BCL2L1: variants seen among roughly 807,000 people sequenced by gnomAD.
BCL2L1 encodes BCL2 like 1.
A neutral mutation model predicts 18.7 loss-of-function variants in BCL2L1; 1 was observed. The observed-to-expected ratio is 0.05, with a 90% CI of 0.02 to 0.25. BCL2L1 has a LOEUF of 0.25. Among genes scored for constraint, BCL2L1 ranks in the 10% least tolerant of loss-of-function variants. BCL2L1 has a pLI of 1.00. For synonymous variants in BCL2L1, 103 were observed against 122.7 expected (o/e 0.84, Z 1.06); for missense variants, 207 against 304.9 (o/e 0.68, Z 2.39).
At chr20:31,670,632 C>T (rs916208082) in intron 2 of BCL2L1, among the ~76,000 whole-genome samples, 1 of 152,208 alleles carries the variant, frequency 6.6e-6, no homozygotes, top group African/African-American at 2.4e-5. Context: ...CCAGCTTCCA[C>T]TCATGTGTTC....
At chr20:31,707,319 G>A (rs145517950) in intron 2 of BCL2L1, among the ~76,000 whole-genome samples, 2 of 152,300 alleles carry the variant, frequency 1.3e-5, no homozygotes, top group East Asian at 1.9e-4. Flanking sequence ...CTCCTGGAGA[G>A]TAGATCCAAT....
At chr20:31,676,854 G>C (rs985469101) in intron 2 of BCL2L1, among the ~76,000 whole-genome samples, 7 of 152,178 alleles carry the variant, frequency 4.6e-5, no homozygotes, top group Non-Finnish European at 1.0e-4. Flanking sequence ...CCTCCTTCCT[G>C]GGTGGGACAT....
chr20:31,704,104 CTTTTT>C (rs59803981), intron 2 of BCL2L1, among the ~76,000 whole-genome samples: 1 of 114,188 alleles, frequency 8.8e-6, no homozygotes, highest in South Asian at 2.8e-4. Flanking sequence ...GGCCCTAAAC[CTTTTT>C]TTTTTTTTTT....
chr20:31,691,637 C>T (rs1192920289), intron 2 of BCL2L1, among the ~76,000 whole-genome samples: 2 of 152,022 alleles, frequency 1.3e-5, no homozygotes, highest in African/African-American at 4.8e-5. Flanking sequence ...GGCAGAAGAA[C>T]TGAAAGACTA....
upstream of BCL2L1, chr20:31,723,493 C>T (rs2061669338): frequency 3.0e-6 from 3 of 985,400 alleles, no homozygotes; most frequent in Non-Finnish European, 3.6e-6. Context: ...CAGGGTGGGC[C>T]GGCTGCGGCC....
intron 2 of BCL2L1, among the ~76,000 whole-genome samples, chr20:31,668,583 C>A (rs1242908661): frequency 6.6e-6 from 1 of 150,806 alleles, no homozygotes; most frequent in Non-Finnish European, 1.5e-5. Flanking sequence ...GGATTACAGG[C>A]ACGAGCCACC....
At chr20:31,680,378 T>C (rs948943977) in intron 2 of BCL2L1, among the ~76,000 whole-genome samples, 4 of 152,174 alleles carry the variant, frequency 2.6e-5, no homozygotes, top group Admixed American at 2.6e-4. Flanking sequence ...GAAGTAGCAT[T>C]CCCCCCTGGT....
intron 2 of BCL2L1, among the ~76,000 whole-genome samples, chr20:31,695,235 A>G (rs1320223455): frequency 6.6e-6 from 1 of 152,144 alleles, no homozygotes. Flanking sequence ...GCTCTTACCC[A>G]TAGAGTTTGT....
At chr20:31,671,454 C>T (rs1461899051) in intron 2 of BCL2L1, among the ~76,000 whole-genome samples, 1 of 152,118 alleles carries the variant, frequency 6.6e-6, no homozygotes, top group East Asian at 1.9e-4. Flanking sequence ...TTTAACTGGT[C>T]ACTCCATATC....
Position 31,664,816 on chromosome 20 carries a change from G to A in BCL2L1, c.*1133C>T, listed in dbSNP as rs2060561873. On this transcript the variant is annotated 3_prime_UTR_variant, in exon 3 of 3. Coordinates refer to ENST00000307677, the MANE Select transcript of BCL2L1 (RefSeq NM_138578.3). ...CCCCTGGGGATGAGACAGGCCAAGG[G>A]TGGAGCAGAAGAGAGAGGGAGGCCT... The A allele has an allele frequency of 9.0e-6, 2 of 223,302 alleles. No homozygotes were observed. Among genetic ancestry groups the A allele is most frequent in the African/African-American group, 2.2e-5 (1 of 44,708 alleles). The allele number at this position is 223,302 out of a possible 1,614,324, so 13.8% of individuals were successfully genotyped here. A position where few individuals can be genotyped will look rare whatever the true frequency, so the allele number is the denominator to read the frequency against.
intron 2 of BCL2L1, among the ~76,000 whole-genome samples, chr20:31,714,143 T>G (rs1213840424): frequency 6.6e-6 from 1 of 152,234 alleles, no homozygotes; most frequent in Non-Finnish European, 1.5e-5. Context: ...AGAGCCATTT[T>G]AAAATATAAC....
intron 2 of BCL2L1, chr20:31,686,384 G>C (rs1035735862): frequency 2.0e-5 from 3 of 152,276 alleles, no homozygotes; most frequent in South Asian, 4.1e-4. Context: ...GTTCACCCAA[G>C]GTAAGAGGAA....
intron 2 of BCL2L1, among the ~76,000 whole-genome samples, chr20:31,675,181 T>C (rs755410249): frequency 1.6e-4 from 25 of 152,132 alleles, no homozygotes; most frequent in Non-Finnish European, 3.4e-4. Context: ...CCCAGGCCCA[T>C]TGCTTCCTTC....
intron 2 of BCL2L1, among the ~76,000 whole-genome samples, chr20:31,702,692 T>C (rs2061298513): frequency 6.6e-6 from 1 of 151,362 alleles, no homozygotes; most frequent in African/African-American, 2.4e-5. Context: ...TTTGTATTTT[T>C]AGTAGAGACG....
At chr20:31,699,618 C>T (rs919790230) in intron 2 of BCL2L1, among the ~76,000 whole-genome samples, 3 of 152,326 alleles carry the variant, frequency 2.0e-5, no homozygotes, top group Non-Finnish European at 2.9e-5. Context: ...CCTGAACCAA[C>T]AATCCTTCAT....
At chr20:31,669,770 C>G (rs1189027004) in intron 2 of BCL2L1, among the ~76,000 whole-genome samples, 1 of 152,022 alleles carries the variant, frequency 6.6e-6, no homozygotes, top group African/African-American at 2.4e-5. Flanking sequence ...GGGCAGAGGT[C>G]CTGTCTCGTT....
rs963075237 is a variant in BCL2L1, at chr20:31,665,755, G to A, written c.*194C>T. ...GAATTCTGAGGCCAAGGGAACTGAG[G>A]TGTGGGGGTCTCACAGAAGTGTGAT... is the stretch of plus-strand genomic sequence containing the variant. On this transcript the variant is annotated 3_prime_UTR_variant, in exon 3 of 3. Transcript: ENST00000307677. 5.7e-6 allele frequency: 4 copies of A among 702,942 alleles called. No individual in the cohort carries two copies. Among genetic ancestry groups the A allele is most frequent in the African/African-American group, 5.4e-5 (3 of 55,544 alleles). The allele number at this position is 702,942 out of a possible 1,614,324, so 43.5% of individuals were successfully genotyped here.
chr20:31,715,081 T>C (rs961142899), intron 2 of BCL2L1, among the ~76,000 whole-genome samples: 1 of 152,060 alleles, frequency 6.6e-6, no homozygotes, highest in African/African-American at 2.4e-5. Context: ...GAGACCATCC[T>C]GACTAACATG....
intron 2 of BCL2L1, among the ~76,000 whole-genome samples, chr20:31,709,840 C>CAAAAAAAAAAAAAA (rs56937786): frequency 6.2e-5 from 4 of 64,070 alleles, no homozygotes; most frequent in Non-Finnish European, 1.0e-4. Context: ...GACTCCATCT[C>CAAAAAAAAAAAAAA]AAAAAAAAAA....
Sources: allele counts gnomAD v4.1 joint callset (sites outside exome capture counted in the v4.1 genomes callset), GRCh38; gene constraint gnomAD v4.1.1; transcripts MANE v1.5; gene names NCBI Gene and HGNC (gene_info 2026-07-23, HGNC 2026-07-21).